DDHD1: variants seen among roughly 807,000 people sequenced by gnomAD.
DDHD1 encodes the protein DDHD domain containing 1.
In DDHD1, 49 loss-of-function variants were observed where a neutral mutation model predicts 96.4. The observed-to-expected ratio is 0.51, with a 90% CI of 0.40 to 0.64. The LOEUF (loss-of-function observed/expected upper bound fraction) is 0.64, where lower values mean the gene tolerates loss of function less well. Among genes scored for constraint, DDHD1 ranks in the 30% least tolerant of loss-of-function variants. DDHD1 has a pLI of 0.00. For synonymous variants in DDHD1, 442 were observed against 446.5 expected (o/e 0.99, Z 0.13); for missense variants, 1,106 against 1,161.2 (o/e 0.95, Z 0.69).
chr14:53,081,824 G>C (rs890416787), intron 4 of DDHD1, among the ~76,000 whole-genome samples: 1 of 151,456 alleles, frequency 6.6e-6, no homozygotes, highest in African/African-American at 2.4e-5. Flanking sequence ...TATGTCTACT[G>C]AATCATTTGG....
chr14:53,069,765 G>A (rs917118688), intron 6 of DDHD1, among the ~76,000 whole-genome samples: 2 of 151,906 alleles, frequency 1.3e-5, no homozygotes, highest in Non-Finnish European at 2.9e-5. Flanking sequence ...TGCCACCCCC[G>A]CCCTGGGTTT....
chr14:53,110,282 A>G (rs1888008056), intron 1 of DDHD1, among the ~76,000 whole-genome samples: 1 of 152,216 alleles, frequency 6.6e-6, no homozygotes. Context: ...ACGTAAACTC[A>G]GTATCCCTAG....
At chr14:53,121,962 C>T (rs78566771) in intron 1 of DDHD1, among the ~76,000 whole-genome samples, 54 of 150,646 alleles carry the variant, frequency 3.6e-4, no homozygotes, top group African/African-American at 1.2e-3. Context: ...GTAAATTATC[C>T]ACTTACTGCC....
At chr14:53,097,983 T>C (rs1887014003) in intron 2 of DDHD1, among the ~76,000 whole-genome samples, 1 of 152,028 alleles carries the variant, frequency 6.6e-6, no homozygotes, top group Admixed American at 6.5e-5. Context: ...GTCATTTGCT[T>C]TATTTATTAC....
In DDHD1 at chr14:53,041,074, G is replaced by C. The variant is rs988699746; in HGVS notation, c.*5694C>G. On this transcript the variant is annotated 3_prime_UTR_variant, in exon 13 of 13. Transcript: ENST00000673822. ...CCGCAGTGGGTGTGGGTACAGTCAA[G>C]GGAAGGTATGAGTGACGCTCCTAGA... 1.3e-5 allele frequency: 2 copies of C among 151,984 alleles called. No individual in the cohort carries two copies. The highest frequency in any genetic ancestry group is 2.9e-5 in the Non-Finnish European group (2 of 68,018). The allele number at this position is 151,984 out of a possible 1,614,324, so 9.4% of individuals were successfully genotyped here.
At chr14:53,076,370 T>G (rs1013701260) in intron 4 of DDHD1, among the ~76,000 whole-genome samples, 2 of 152,162 alleles carry the variant, frequency 1.3e-5, no homozygotes, top group African/African-American at 4.8e-5. Context: ...GCAAGAGAAC[T>G]AAAATAAGCA....
rs2139940192 is a variant in DDHD1, at chr14:53,152,994, G to T, written c.105C>A (p.Gly35=). The T allele has an allele frequency of 6.5e-7, 1 of 1,547,102 alleles. No individual in the cohort carries two copies. The highest frequency in any genetic ancestry group is 1.2e-5 in the South Asian group (1 of 84,096). The part of the protein sequence containing the change: ...ELGSDARPAF[G]GGVCCFEHLP... The stretch of plus-strand genomic sequence containing the variant: ...GGTGCTCGAAGCAGCAGACGCCGCC[G>T]CCGAACGCTGGCCTCGCGTCTGAGC... Residue 35 remains glycine, a synonymous_variant, in exon 1 of 13, where the codon GGC becomes GGA. Transcript: ENST00000673822.
At chr14:53,133,398 T>C (rs113431688) in intron 1 of DDHD1, among the ~76,000 whole-genome samples, 320 of 152,330 alleles carry the variant, frequency 2.1e-3, no homozygotes, top group African/African-American at 7.5e-3. Flanking sequence ...GTTTGGCCTT[T>C]CCACCTCTAT....
At chr14:53,136,233 C>T (rs1452412441) in intron 1 of DDHD1, among the ~76,000 whole-genome samples, 1 of 152,294 alleles carries the variant, frequency 6.6e-6, no homozygotes, top group East Asian at 1.9e-4. Context: ...ACTCTCTTTT[C>T]GGACTCAGCC....
At chr14:53,078,803 A>C (rs1253270799) in intron 4 of DDHD1, among the ~76,000 whole-genome samples, 18 of 152,202 alleles carry the variant, frequency 1.2e-4, no homozygotes, top group Admixed American at 1.2e-3. Context: ...AGCAGGTTTC[A>C]GTCTTTCACT....
chr14:53,108,465 C>G (rs1372841863), intron 1 of DDHD1, among the ~76,000 whole-genome samples: 1 of 152,168 alleles, frequency 6.6e-6, no homozygotes. Flanking sequence ...GGAAGCAGCC[C>G]GCTGCCATCT....
At chr14:53,141,172 G>C in intron 1 of DDHD1, among the ~76,000 whole-genome samples, 1 of 152,280 alleles carries the variant, frequency 6.6e-6, no homozygotes, top group East Asian at 1.9e-4. Context: ...ATAAGATACA[G>C]AAGTTTTAAA....
intron 1 of DDHD1, chr14:53,149,950 T>C (rs912490337): frequency 7.9e-5 from 12 of 152,226 alleles, no homozygotes; most frequent in African/African-American, 2.9e-4. Context: ...ACTCGCAGGA[T>C]AAAGGCCAAA....
At chr14:53,121,477 C>T (rs1390721603) in intron 1 of DDHD1, among the ~76,000 whole-genome samples, 2 of 152,180 alleles carry the variant, frequency 1.3e-5, no homozygotes, top group Non-Finnish European at 2.9e-5. Flanking sequence ...AAGACACATG[C>T]ACACATATGT....
intron 1 of DDHD1, among the ~76,000 whole-genome samples, chr14:53,109,093 G>C (rs1831660105): frequency 6.6e-6 from 1 of 152,206 alleles, no homozygotes; most frequent in Admixed American, 6.5e-5. Flanking sequence ...TTACGGTGGA[G>C]TTGTTGGGTG....
intron 4 of DDHD1, among the ~76,000 whole-genome samples, chr14:53,090,170 T>A (rs886282984): frequency 6.6e-6 from 1 of 151,958 alleles, no homozygotes; most frequent in Non-Finnish European, 1.5e-5. Flanking sequence ...AAAACCACAA[T>A]GAGATACCAT....
intron 4 of DDHD1, among the ~76,000 whole-genome samples, chr14:53,076,030 G>A (rs937017356): frequency 6.6e-6 from 1 of 152,174 alleles, no homozygotes; most frequent in African/African-American, 2.4e-5. Context: ...GGAGATGAAT[G>A]TTGTTTTCAT....
intron 1 of DDHD1, among the ~76,000 whole-genome samples, chr14:53,104,726 C>T (rs1887558813): frequency 6.6e-6 from 1 of 151,870 alleles, no homozygotes; most frequent in African/African-American, 2.4e-5. Flanking sequence ...CAACTGTCAG[C>T]TAAACTATCT....
chr14:53,121,486 G>T (rs1426990432), intron 1 of DDHD1, among the ~76,000 whole-genome samples: 1 of 152,202 alleles, frequency 6.6e-6, no homozygotes, highest in Non-Finnish European at 1.5e-5. Context: ...GCACACATAT[G>T]TTCACTGTGG....
Sources: gnomAD v4.1 joint callset for allele counts (sites outside exome capture counted in the v4.1 genomes callset) on GRCh38, gnomAD v4.1.1 for gene constraint, MANE v1.5 for transcripts, NCBI Gene and HGNC (gene_info 2026-07-23, HGNC 2026-07-21) for gene names.